The following TEX9 variants were observed in gnomAD, a reference collection of about 807,000 sequenced individuals.
The protein encoded by TEX9 is testis-expressed protein 9.
TEX9 carries 74 observed loss-of-function variants against 59.6 expected under a neutral mutation model. The ratio of observed to expected loss-of-function variants is 1.24; its 90% CI spans 1.03 to 1.51. TEX9 has a LOEUF of 1.51. Among genes scored for constraint, TEX9 ranks in the 40% most tolerant of loss-of-function variants. The pLI is 0.00. For missense variants in TEX9, 522 were observed against 447.8 expected, an observed-to-expected ratio of 1.17 and a Z score of -1.49; for synonymous variants, 186 against 152.2, an observed-to-expected ratio of 1.22 and a Z score of -1.64.
intron 1 of TEX9, among the ~76,000 whole-genome samples, chr15:56,302,597 GA>G (rs1230098056): frequency 3.3e-5 from 5 of 149,910 alleles, no homozygotes; most frequent in African/African-American, 1.2e-4. Context: ...CATACTGCCA[GA>G]AAAAAAAATC....
In TEX9 at chr15:56,249,184, A is replaced by G. The variant is rs186491758; in HGVS notation, c.-107+4906A>G. 48 of 152,278 alleles carry G rather than the reference A, an allele frequency of 3.2e-4. 1 individual carries two copies. In the East Asian group the frequency reaches 6.7e-3, roughly 21 times the overall value. The allele number at this position is 152,278 out of a possible 1,614,324, so 9.4% of individuals were successfully genotyped here. On this transcript the variant is annotated intron_variant, in intron 1 of 5. Transcript: ENST00000560827. The stretch of plus-strand genomic sequence containing the variant: ...TATTTATTTGGGTTTTATGCTCCTT[A>G]TATTTTCCCTCCCTTCCATTCCAAG...
intron 9 of TEX9, among the ~76,000 whole-genome samples, chr15:56,399,147 G>C (rs1216547779): frequency 6.6e-6 from 1 of 152,248 alleles, no homozygotes; most frequent in African/African-American, 2.4e-5. Flanking sequence ...AACTGAAGCA[G>C]AGTGGGGTGT....
intron 10 of TEX9, among the ~76,000 whole-genome samples, chr15:56,414,777 C>G (rs77417672): frequency 0.13 from 19,755 of 151,658 alleles, 1,868 homozygotes; most frequent in East Asian, 0.38. Flanking sequence ...ATTGCTGGGT[C>G]CAATGGTAGT....
chr15:56,262,187 C>G (rs962203959), intron 1 of TEX9, among the ~76,000 whole-genome samples: 5 of 152,186 alleles, frequency 3.3e-5, no homozygotes, highest in African/African-American at 1.2e-4. Context: ...CCTGTAATGA[C>G]AAAGTTCCAG....
intron 1 of TEX9, among the ~76,000 whole-genome samples, chr15:56,269,637 G>T (rs1313126471): frequency 6.6e-6 from 1 of 150,652 alleles, no homozygotes; most frequent in Non-Finnish European, 1.5e-5. Flanking sequence ...GGTTCTGAAT[G>T]AGTTTCTTTT....
chr15:56,435,170 A>T (rs2050699688), intron 12 of TEX9, among the ~76,000 whole-genome samples: 1 of 152,090 alleles, frequency 6.6e-6, no homozygotes, highest in Non-Finnish European at 1.5e-5. Flanking sequence ...TATAGCACTA[A>T]ATGGATACAT....
chr15:56,339,859 G>A (rs1485420324), intron 1 of TEX9, among the ~76,000 whole-genome samples: 1 of 151,976 alleles, frequency 6.6e-6, no homozygotes, highest in Non-Finnish European at 1.5e-5. Context: ...AAAGATGACT[G>A]TCTCTAAACC....
intron 10 of TEX9, among the ~76,000 whole-genome samples, chr15:56,423,857 G>T (rs548768420): frequency 1.3e-5 from 2 of 152,138 alleles, no homozygotes; most frequent in East Asian, 1.9e-4. Context: ...CTGAGATTTT[G>T]GTGCACCCAT....
At chr15:56,405,780 GATGGACTT>G (rs2049049430) in intron 9 of TEX9, among the ~76,000 whole-genome samples, 1 of 151,788 alleles carries the variant, frequency 6.6e-6, no homozygotes, top group African/African-American at 2.4e-5. Flanking sequence ...GCTTGAGTGT[GATGGACTT>G]GCTTTTATAA....
chr15:56,446,058 A>G (rs1357557581), downstream of TEX9: 3 of 151,978 alleles, frequency 2.0e-5, no homozygotes, highest in Non-Finnish European at 4.4e-5. Flanking sequence ...ACACACACAT[A>G]TATGTGTCAT....
chr15:56,264,704 C>T (rs1214040561), intron 1 of TEX9, among the ~76,000 whole-genome samples: 1 of 152,184 alleles, frequency 6.6e-6, no homozygotes. Flanking sequence ...CTTTATCCTA[C>T]ATTATACTGC....
intron 1 of TEX9, among the ~76,000 whole-genome samples, chr15:56,344,799 TTTC>T (rs1379813539): frequency 6.6e-6 from 1 of 152,032 alleles, no homozygotes; most frequent in Non-Finnish European, 1.5e-5. Flanking sequence ...TTTTGTTTAT[TTTC>T]TTCTTTTTTT....
chr15:56,249,075 CAT>C (rs1410039983), intron 1 of TEX9: 4 of 152,168 alleles, frequency 2.6e-5, no homozygotes, highest in Non-Finnish European at 5.9e-5. Flanking sequence ...GAACACTACA[CAT>C]GTCAGCCCAT....
chr15:56,327,994 GA>G (rs1464094792), intron 1 of TEX9, among the ~76,000 whole-genome samples: 4 of 151,930 alleles, frequency 2.6e-5, no homozygotes, highest in African/African-American at 9.7e-5. Flanking sequence ...AAACTACTGA[GA>G]CACCAGCCAG....
the TEX9 span, among the ~76,000 whole-genome samples, chr15:56,453,301 T>C: frequency 7.2e-5 from 11 of 152,204 alleles, no homozygotes; most frequent in Admixed American, 1.3e-4. Flanking sequence ...TGGGATCATT[T>C]TTCTTCTTCT....
intron 1 of TEX9, among the ~76,000 whole-genome samples, chr15:56,337,181 A>G (rs2046273379): frequency 6.6e-6 from 1 of 152,226 alleles, no homozygotes; most frequent in African/African-American, 2.4e-5. Context: ...CTGAGGCTGT[A>G]ACTGATAAAT....
chr15:56,288,745 C>CT, intron 1 of TEX9, among the ~76,000 whole-genome samples: 1 of 152,000 alleles, frequency 6.6e-6, no homozygotes, highest in Non-Finnish European at 1.5e-5. Context: ...TGATTGGAGG[C>CT]TTTTAACTTT....
chr15:56,416,497 G>T (rs1307488098), intron 10 of TEX9, among the ~76,000 whole-genome samples: 1 of 151,878 alleles, frequency 6.6e-6, no homozygotes, highest in Admixed American at 6.6e-5. Flanking sequence ...TTCTGTTTAT[G>T]TGATAAATTG....
intron 1 of TEX9, among the ~76,000 whole-genome samples, chr15:56,249,807 GA>G (rs1303874477): frequency 7.6e-6 from 1 of 131,222 alleles, no homozygotes; most frequent in Non-Finnish European, 1.6e-5. Flanking sequence ...TGGAATTACA[GA>G]AAAAAAAATT....
Sources: gnomAD v4.1 joint callset for allele counts (sites outside exome capture counted in the v4.1 genomes callset) on GRCh38, gnomAD v4.1.1 for gene constraint, MANE v1.5 for transcripts, NCBI Gene and HGNC (gene_info 2026-07-23, HGNC 2026-07-21) for gene names.